The following ASIC2 variants were observed in gnomAD, a reference collection of about 807,000 sequenced individuals.
ASIC2 encodes acid-sensing ion channel 2.
Under a neutral mutation model 57.3 loss-of-function variants are expected in ASIC2, and 25 were observed. The observed-to-expected ratio is 0.44, with a 90% CI of 0.32 to 0.61. The LOEUF (loss-of-function observed/expected upper bound fraction) is 0.61, where lower values mean the gene tolerates loss of function less well. Among genes scored for constraint, ASIC2 ranks in the 20% least tolerant of loss-of-function variants. The probability of loss-of-function intolerance (pLI) is 0.06; values close to 1 mark genes in which losing one functional copy is unlikely to be tolerated. For synonymous variants in ASIC2, 319 were observed against 307.5 expected (o/e 1.04, Z -0.39); for missense variants, 641 against 738.1 (o/e 0.87, Z 1.52).
chr17:33,980,274 C>A (rs887972158), intron 1 of ASIC2, among the ~76,000 whole-genome samples: 1 of 152,144 alleles, frequency 6.6e-6, no homozygotes, highest in African/African-American at 2.4e-5. Context: ...ACAGACAGAG[C>A]TCAAGCAAGT....
chr17:33,834,884 G>A (rs929258933), intron 1 of ASIC2, among the ~76,000 whole-genome samples: 2 of 152,062 alleles, frequency 1.3e-5, no homozygotes, highest in East Asian at 3.9e-4. Flanking sequence ...CCAGGCAATG[G>A]GGATTTGGAG....
Position 33,562,203 on chromosome 17 carries a change from G to C in ASIC2, c.556-450136C>G, listed in dbSNP as rs1420056335. ...CACCTTTCTCTGCACTTTCAAATTT[G>C]ACATTTTCTTGTAACACATTTTTTT... is the stretch of plus-strand genomic sequence containing the variant. On this transcript the variant is annotated intron_variant, in intron 1 of 9. Coordinates refer to the ASIC2 transcript ENST00000359872. Among the ~76,000 whole-genome samples, 5 of 141,284 alleles carry C rather than the reference G, an allele frequency of 3.5e-5. No individual in the cohort carries two copies. In the Admixed American group the frequency reaches 3.6e-4, roughly 10 times the overall value. 92.7% of individuals were successfully genotyped at this position (141,284 alleles called of 152,430 possible).
chr17:33,881,104 C>T (rs1002234327), intron 1 of ASIC2, among the ~76,000 whole-genome samples: 16 of 152,268 alleles, frequency 1.1e-4, no homozygotes, highest in East Asian at 3.9e-4. Flanking sequence ...ATTGATAGGA[C>T]GTATCTCTAA....
chr17:34,076,194 G>A (rs571742715), intron 1 of ASIC2, among the ~76,000 whole-genome samples: 6 of 151,802 alleles, frequency 4.0e-5, no homozygotes, highest in Middle Eastern at 3.4e-3. Context: ...TAATAGACAC[G>A]GGGTTTCACC....
At chr17:33,864,759 A>T (rs955083363) in intron 1 of ASIC2, among the ~76,000 whole-genome samples, 1 of 152,174 alleles carries the variant, frequency 6.6e-6, no homozygotes, top group Non-Finnish European at 1.5e-5. Context: ...GATCATTGGA[A>T]GCTTACAATG....
At chr17:33,161,114 G>T (rs2142039197) in intron 1 of ASIC2, among the ~76,000 whole-genome samples, 1 of 152,250 alleles carries the variant, frequency 6.6e-6, no homozygotes, top group African/African-American at 2.4e-5. Context: ...AGAAGATAAA[G>T]GCCTGCTCCA....
intron 1 of ASIC2, among the ~76,000 whole-genome samples, chr17:34,066,226 T>C (rs1396485843): frequency 1.3e-5 from 2 of 152,080 alleles, no homozygotes; most frequent in Non-Finnish European, 2.9e-5. Flanking sequence ...TCACAAACCA[T>C]GGAGATAACA....
intron 1 of ASIC2, among the ~76,000 whole-genome samples, chr17:34,119,735 T>C (rs1337038673): frequency 6.6e-6 from 1 of 152,190 alleles, no homozygotes; most frequent in Non-Finnish European, 1.5e-5. Flanking sequence ...TGGTTCATAC[T>C]TTCTACCTTG....
At chr17:34,101,628 A>G (rs1910867580) in intron 1 of ASIC2, among the ~76,000 whole-genome samples, 1 of 152,224 alleles carries the variant, frequency 6.6e-6, no homozygotes, top group Non-Finnish European at 1.5e-5. Flanking sequence ...AGTAGGAACC[A>G]CCAATCTCAA....
chr17:33,898,220 CTTTTT>C (rs771624171), intron 1 of ASIC2, among the ~76,000 whole-genome samples: 1 of 66,194 alleles, frequency 1.5e-5, no homozygotes, highest in Non-Finnish European at 2.8e-5. Flanking sequence ...CATGTATAAT[CTTTTT>C]TTTTTTTTTT....
chr17:33,570,662 A>G (rs532453229), intron 1 of ASIC2, among the ~76,000 whole-genome samples: 1 of 152,298 alleles, frequency 6.6e-6, no homozygotes, highest in East Asian at 1.9e-4. Flanking sequence ...ACTGTTTCTC[A>G]TGATTCTGAG....
intron 1 of ASIC2, among the ~76,000 whole-genome samples, chr17:33,685,407 A>G (rs1332974581): frequency 3.3e-5 from 5 of 152,014 alleles, no homozygotes; most frequent in African/African-American, 4.8e-5. Context: ...CACTTCTTCA[A>G]TGACTCTCCT....
chr17:33,711,045 G>A (rs35005047), intron 1 of ASIC2, among the ~76,000 whole-genome samples: 3,764 of 152,156 alleles, frequency 0.025, 162 homozygotes, highest in African/African-American at 0.086. Flanking sequence ...CCAACTCCTG[G>A]TCTCAAGCGA....
At chr17:33,515,663 A>G (rs1322014622) in intron 1 of ASIC2, among the ~76,000 whole-genome samples, 3 of 152,026 alleles carry the variant, frequency 2.0e-5, no homozygotes, top group Non-Finnish European at 4.4e-5. Context: ...TCCTTCCCGC[A>G]TGGCTGGGGC....
At chr17:33,429,241 C>T (rs913620369) in intron 1 of ASIC2, among the ~76,000 whole-genome samples, 1 of 152,112 alleles carries the variant, frequency 6.6e-6, no homozygotes, top group Non-Finnish European at 1.5e-5. Context: ...TTTAATAAAA[C>T]CCTCTTCTTG....
intron 1 of ASIC2, among the ~76,000 whole-genome samples, chr17:33,189,713 T>C (rs1906339027): frequency 6.6e-6 from 1 of 152,146 alleles, no homozygotes; most frequent in African/African-American, 2.4e-5. Flanking sequence ...GTTCATCTCA[T>C]AATGATAAAG....
chr17:34,156,476 G>C lies in ASIC2; in HGVS notation c.57C>G (p.Ile19Met). The C allele has an allele frequency of 6.2e-7, 1 of 1,613,694 alleles. No individual in the cohort carries two copies. The highest frequency in any genetic ancestry group is 8.5e-7 in the Non-Finnish European group (1 of 1,179,712). The change falls in exon 1 of 10, where the codon ATC becomes ATG. Residue 19 changes from isoleucine to methionine, a missense_variant. Coordinates refer to the ASIC2 transcript ENST00000359872. This position sits in a 1 kb window ranked among gnomAD's most constrained non-coding sequence, Gnocchi z 4.4. Reference sequence around the variant, plus strand: ...CATGGAGGGTGGAGGTGTTGGCAAAGATCTGGATGCTAGAAGGTTGCAGGC... The same window carrying C: ...CATGGAGGGTGGAGGTGTTGGCAAACATCTGGATGCTAGAAGGTTGCAGGC...
chr17:33,686,939 T>C (rs991172421), intron 1 of ASIC2, among the ~76,000 whole-genome samples: 6 of 152,072 alleles, frequency 3.9e-5, no homozygotes, highest in Admixed American at 1.3e-4. Flanking sequence ...TAAACCTAAA[T>C]GCAGTCTAGC....
intron 1 of ASIC2, among the ~76,000 whole-genome samples, chr17:33,762,798 G>T (rs532983979): frequency 5.9e-5 from 9 of 152,326 alleles, no homozygotes; most frequent in African/African-American, 1.9e-4. Flanking sequence ...CATGGTTGGG[G>T]ATGAATATGT....
Sources: allele counts gnomAD v4.1 joint callset (sites outside exome capture counted in the v4.1 genomes callset), GRCh38; gene constraint gnomAD v4.1.1; non-coding constraint Gnocchi (gnomAD v3.1); transcripts MANE v1.5; gene names NCBI Gene and HGNC (gene_info 2026-07-23, HGNC 2026-07-21).